Variants in UBR3 observed in about 807,000 individuals in gnomAD.
UBR3 encodes E3 ubiquitin-protein ligase UBR3.
A neutral mutation model predicts 243.2 loss-of-function variants in UBR3; 85 were observed. The ratio of observed to expected loss-of-function variants is 0.35; its 90% CI spans 0.29 to 0.42. UBR3 has a LOEUF of 0.42. UBR3 is among the 10% of genes least tolerant of loss of function. The pLI is 1.00. For synonymous variants in UBR3, 748 were observed against 799.8 expected (o/e 0.94, Z 1.09); for missense variants, 1,686 against 2,300.8 (o/e 0.73, Z 5.47).
intron 23 of UBR3, among the ~76,000 whole-genome samples, chr2:169,956,351 ACTTT>A (rs1559131848): frequency 6.6e-6 from 1 of 151,412 alleles, no homozygotes. Flanking sequence ...ATATATAACC[ACTTT>A]CTTCTAATCT....
intron 31 of UBR3, among the ~76,000 whole-genome samples, chr2:170,034,688 AAGG>A (rs1417282548): frequency 6.6e-6 from 1 of 151,386 alleles, no homozygotes; most frequent in Non-Finnish European, 1.5e-5. Flanking sequence ...GGTAAATACT[AAGG>A]AGCATGATTA....
At chr2:169,941,932 G>C (rs181401454) in intron 19 of UBR3, among the ~76,000 whole-genome samples, 3 of 152,262 alleles carry the variant, frequency 2.0e-5, no homozygotes, top group Admixed American at 6.5e-5. Flanking sequence ...AGCTTTAGAT[G>C]GGATATCAGT....
chr2:169,972,407 C>CT (rs1404540225), intron 24 of UBR3, among the ~76,000 whole-genome samples: 1 of 152,174 alleles, frequency 6.6e-6, no homozygotes, highest in East Asian at 1.9e-4. Flanking sequence ...CTCCCTAACT[C>CT]TTTTTATGAG....
At chr2:169,859,228 T>G (rs28758517) in intron 1 of UBR3, among the ~76,000 whole-genome samples, 1 of 151,718 alleles carries the variant, frequency 6.6e-6, no homozygotes, top group Admixed American at 6.6e-5. Flanking sequence ...CCCACCACCA[T>G]GCCTGGCTAA....
intron 1 of UBR3, among the ~76,000 whole-genome samples, chr2:169,834,829 T>TA (rs1161124565): frequency 6.6e-6 from 1 of 152,188 alleles, no homozygotes; most frequent in Admixed American, 6.5e-5. Flanking sequence ...TATTTAACCT[T>TA]AAAAAGTAAT....
chr2:169,960,881 C>T (rs543797160), intron 24 of UBR3, among the ~76,000 whole-genome samples: 125 of 152,190 alleles, frequency 8.2e-4, no homozygotes, highest in African/African-American at 3.0e-3. Flanking sequence ...AATGGTTCTA[C>T]ATCGACTGTT....
chr2:169,991,780 C>G (rs1326382467), intron 25 of UBR3, among the ~76,000 whole-genome samples: 1 of 152,096 alleles, frequency 6.6e-6, no homozygotes, highest in Admixed American at 6.5e-5. Context: ...GATGGGGTTT[C>G]ACTGTGTTAG....
intron 1 of UBR3, among the ~76,000 whole-genome samples, chr2:169,829,997 T>C (rs1008097203): frequency 6.6e-6 from 1 of 152,216 alleles, no homozygotes; most frequent in Admixed American, 6.5e-5. Context: ...GTTCTACATC[T>C]TGCATTTTTT....
intron 10 of UBR3, among the ~76,000 whole-genome samples, chr2:169,913,564 A>G (rs1348643600): frequency 6.6e-6 from 1 of 152,122 alleles, no homozygotes; most frequent in East Asian, 1.9e-4. Context: ...TACAGTCCAC[A>G]TATGCTCTGC....
intron 1 of UBR3, among the ~76,000 whole-genome samples, chr2:169,867,950 G>GT (rs2083312943): frequency 6.6e-6 from 1 of 151,816 alleles, no homozygotes; most frequent in African/African-American, 2.4e-5. Flanking sequence ...AAGATTTTTA[G>GT]TTTTTTAGTA....
chr2:170,023,806 G>T (rs754399177), intron 30 of UBR3, among the ~76,000 whole-genome samples: 2 of 152,062 alleles, frequency 1.3e-5, no homozygotes, highest in Non-Finnish European at 2.9e-5. Context: ...TTGAACTCCT[G>T]AACTCGTGAT....
chr2:169,939,111 T>A (rs1404643814), intron 19 of UBR3, among the ~76,000 whole-genome samples: 1 of 152,136 alleles, frequency 6.6e-6, no homozygotes, highest in African/African-American at 2.4e-5. Context: ...ATTATTTATT[T>A]GTGTTTGCTA....
intron 17 of UBR3, 40 bp from the exon 18 acceptor site, chr2:169,928,687 C>T: frequency 7.1e-7 from 1 of 1,415,488 alleles, no homozygotes; most frequent in Non-Finnish European, 9.4e-7. Flanking sequence ...ATAAATCTGG[C>T]TTTTTGTTAC....
intron 18 of UBR3, among the ~76,000 whole-genome samples, chr2:169,932,534 G>C (rs918924507): frequency 1.3e-5 from 2 of 152,164 alleles, no homozygotes; most frequent in African/African-American, 4.8e-5. Context: ...AAGTAGTTGG[G>C]ACTAGAGGTG....
chr2:169,901,442 T>G (rs976606926), intron 8 of UBR3, among the ~76,000 whole-genome samples: 1 of 152,202 alleles, frequency 6.6e-6, no homozygotes, highest in Non-Finnish European at 1.5e-5. Context: ...ATATATTTAC[T>G]GCTTTTCTAA....
At chr2:170,066,445 TTGTG>T (rs1432603007) in intron 35 of UBR3, among the ~76,000 whole-genome samples, 1 of 152,230 alleles carries the variant, frequency 6.6e-6, no homozygotes, top group Non-Finnish European at 1.5e-5. Context: ...GTAAAGTAGT[TTGTG>T]TATGTGCATT....
At chr2:169,888,963 A>G (rs907257709) in intron 5 of UBR3, among the ~76,000 whole-genome samples, 1 of 152,152 alleles carries the variant, frequency 6.6e-6, no homozygotes, top group South Asian at 2.1e-4. Flanking sequence ...ATAGGTATGC[A>G]TATAGTCCCA....
chr2:170,016,717 G>A (rs1019140242), intron 30 of UBR3: 21 of 190,512 alleles, frequency 1.1e-4, no homozygotes, highest in Admixed American at 2.0e-4. Flanking sequence ...TTATCTAGAG[G>A]CTTGTAAATA....
chr2:169,886,727 C>A (rs888290464), intron 5 of UBR3, among the ~76,000 whole-genome samples: 1 of 152,108 alleles, frequency 6.6e-6, no homozygotes, highest in Non-Finnish European at 1.5e-5. Flanking sequence ...TTGGCAGGAG[C>A]CACAGAGGTC....
Sources: gnomAD v4.1 joint callset for allele counts (sites outside exome capture counted in the v4.1 genomes callset) on GRCh38, gnomAD v4.1.1 for gene constraint, MANE v1.5 for transcripts, NCBI Gene and HGNC (gene_info 2026-07-23, HGNC 2026-07-21) for gene names.